The following ADCY2 variants were observed in gnomAD, a reference collection of about 807,000 sequenced individuals.
ADCY2 encodes adenylate cyclase 2.
In ADCY2, 31 loss-of-function variants were observed where a neutral mutation model predicts 125.2. The ratio of observed to expected loss-of-function variants is 0.25; its 90% CI spans 0.19 to 0.33. The LOEUF is 0.33. Ranked by LOEUF, ADCY2 falls within the 10% of genes least tolerant of loss-of-function variation. The pLI is 1.00. For missense variants in ADCY2, 904 were observed against 1,418.2 expected (o/e 0.64, Z 5.82); for synonymous variants, 512 against 548.4 (o/e 0.93, Z 0.93).
intron 3 of ADCY2, among the ~76,000 whole-genome samples, chr5:7,535,229 G>C (rs571809754): frequency 6.6e-6 from 1 of 152,272 alleles, no homozygotes; most frequent in Non-Finnish European, 1.5e-5. Context: ...TATTAATAGA[G>C]ACGGGGTTTC....
chr5:7,765,777 G>A (rs1336188412), intron 16 of ADCY2, among the ~76,000 whole-genome samples: 1 of 152,172 alleles, frequency 6.6e-6, no homozygotes, highest in East Asian at 1.9e-4. Context: ...ATAGGTTTAT[G>A]GATGAGATTA....
In ADCY2 at chr5:7,396,593, T is replaced by TGCCCCTCGGCCCGCGGCA. The variant is rs761591586; in HGVS notation, c.210+123_210+140dup. 3,610 of 1,010,570 alleles carry TGCCCCTCGGCCCGCGGCA rather than the reference T, an allele frequency of 3.6e-3. 124 individuals are homozygous for TGCCCCTCGGCCCGCGGCA. The African/African-American group carries it at 0.048, about 13-fold the overall frequency. The allele number at this position is 1,010,570 out of a possible 1,614,324, so 62.6% of individuals were successfully genotyped here. A position where few individuals can be genotyped will look rare whatever the true frequency, so the allele number is the denominator to read the frequency against. On this transcript the variant is annotated intron_variant, in intron 1 of 24. Transcript: ENST00000338316. The surrounding 1 kb of genome is among the most constrained non-coding windows in gnomAD (Gnocchi z 5.7). ...AGCCGAGCCGCGTCCCGCTCCGGGC[T>TGCCCCTCGGCCCGCGGCA]GCCCCTCGGCCCGCGGCAGCCCCTC...
At chr5:7,544,199 A>G (rs565758366) in intron 3 of ADCY2, among the ~76,000 whole-genome samples, 30 of 152,216 alleles carry the variant, frequency 2.0e-4, no homozygotes, top group African/African-American at 7.0e-4. Context: ...CTGCAGAGCT[A>G]TTGAGGACCA....
intron 4 of ADCY2, among the ~76,000 whole-genome samples, chr5:7,634,696 T>G (rs1466264982): frequency 6.7e-6 from 1 of 149,410 alleles, no homozygotes; most frequent in Admixed American, 6.7e-5. Flanking sequence ...ATTTATCAAA[T>G]TTACAGGTTT....
At chr5:7,544,884 C>T (rs937745017) in intron 3 of ADCY2, among the ~76,000 whole-genome samples, 32 of 152,144 alleles carry the variant, frequency 2.1e-4, no homozygotes, top group African/African-American at 5.8e-4. Flanking sequence ...TGTCCCCACC[C>T]GACTGACTCC....
chr5:7,626,282 C>T lies in ADCY2; in HGVS notation c.686C>T (p.Ser229Leu), dbSNP rs1167334638. Residue 229 changes from serine to leucine, a missense_variant, in exon 4 of 25, where the codon TCG (serine) becomes TTG (leucine). Physicochemically the swap from Ser to Leu is moderately radical, Grantham distance 145. Transcript: ENST00000338316. ...TYQDTCNCIK[S>L]RIKLEFEKRQ... ...CAGGACACCTGTAATTGCATCAAGT[C>T]GCGGATCAAGTTGGAATTTGAAAAA... 3.1e-6 allele frequency: 5 copies of T among 1,613,874 alleles called. No individual in the cohort carries two copies. The highest frequency in any genetic ancestry group is 4.2e-6 in the Non-Finnish European group (5 of 1,179,958).
rs1033380021 is a variant in ADCY2, at chr5:7,802,011, G to A, written c.2629-207G>A. The stretch of plus-strand genomic sequence containing the variant: ...CTGGCAAGGCACCTCTTCTTAACTG[G>A]TAGTGGCCTGAATCCAGCTCATTAG... On this transcript the variant is annotated intron_variant, in intron 20 of 24. Coordinates refer to ENST00000338316, the MANE Select transcript of ADCY2 (RefSeq NM_020546.3). The surrounding 1 kb of genome is among the most constrained non-coding windows in gnomAD (Gnocchi z 4.6). 1 of 534,974 alleles carries A rather than the reference G, an allele frequency of 1.9e-6. No individual in the cohort carries two copies. Among genetic ancestry groups the A allele is most frequent in the Non-Finnish European group, 3.3e-6 (1 of 305,906 alleles). 33.1% of individuals were successfully genotyped at this position (534,974 alleles called of 1,614,324 possible).
intron 22 of ADCY2, among the ~76,000 whole-genome samples, chr5:7,812,513 A>G (rs186033498): frequency 3.3e-4 from 51 of 152,328 alleles, no homozygotes; most frequent in Admixed American, 1.9e-3. Flanking sequence ...AGTGACATGC[A>G]TCTCTACACT....
chr5:7,637,158 G>A (rs1224174955), intron 4 of ADCY2, among the ~76,000 whole-genome samples: 8 of 152,068 alleles, frequency 5.3e-5, no homozygotes, highest in African/African-American at 1.9e-4. Flanking sequence ...TACAAGGGTT[G>A]GTTGATTTTT....
rs57381383 is a variant in ADCY2, at chr5:7,512,218, C to CAAA, written c.409-8500_409-8498dup. On this transcript the variant is annotated intron_variant, in intron 2 of 24. Transcript: ENST00000338316. ...CCTGGGCAGTAGAGCATGACTCCAT[C>CAAA]AAAAAAAAAAAAAAAAAAAAAAGAA... 2.9e-3 allele frequency among the ~76,000 whole-genome samples: 166 copies of CAAA among 57,634 alleles called. 4 individuals are homozygous for CAAA. Among genetic ancestry groups the CAAA allele is most frequent in the East Asian group, 0.011 (15 of 1,316 alleles). The allele number at this position is 57,634 out of a possible 152,430, so 37.8% of individuals were successfully genotyped here.
rs148597747 is a variant in ADCY2 at position 7,725,480 on chromosome 5, G to A, written c.1773+866G>A. ...ACCAAAAGGTTTTTTTTTTATGTTG[G>A]TGGTCAAGAGGATCTGTTGTCTACT... On this transcript the variant is annotated intron_variant, in intron 13 of 24. Coordinates refer to ENST00000338316, the MANE Select transcript of ADCY2 (RefSeq NM_020546.3). Among the ~76,000 whole-genome samples the A allele has an allele frequency of 1.7e-3, 256 of 151,896 alleles. 2 individuals carry two copies. Among genetic ancestry groups the A allele is most frequent in the African/African-American group, 5.7e-3 (234 of 41,400 alleles).
intron 14 of ADCY2, among the ~76,000 whole-genome samples, chr5:7,730,548 A>C (rs568811184): frequency 6.6e-6 from 1 of 152,262 alleles, no homozygotes; most frequent in Non-Finnish European, 1.5e-5. Context: ...ATGATTTGTT[A>C]GGGTTTTTGG....
chr5:7,708,933 C>T (rs1230200430), intron 9 of ADCY2, among the ~76,000 whole-genome samples: 1 of 152,168 alleles, frequency 6.6e-6, no homozygotes, highest in Non-Finnish European at 1.5e-5. Context: ...CAGATCAGCA[C>T]ATTCTGTTTT....
intron 4 of ADCY2, among the ~76,000 whole-genome samples, chr5:7,628,798 T>A (rs1182884251): frequency 1.3e-5 from 2 of 148,370 alleles, no homozygotes; most frequent in African/African-American, 5.0e-5. Context: ...TGTAATTAAA[T>A]GGGAAGAAGA....
chr5:7,674,038 C>T (rs139558687), intron 4 of ADCY2, among the ~76,000 whole-genome samples: 281 of 150,204 alleles, frequency 1.9e-3, no homozygotes, highest in South Asian at 9.4e-3. Flanking sequence ...TGGGTTTAGC[C>T]GCCCGCTGGC....
At chr5:7,666,089 T>C (rs188572070) in intron 4 of ADCY2, among the ~76,000 whole-genome samples, 1,682 of 150,354 alleles carry the variant, frequency 0.011, 20 homozygotes, top group African/African-American at 0.026. Context: ...CCGCCCGCCT[T>C]GGCCTCCCAA....
At chr5:7,468,619 C>CTAAT (rs958278647) in intron 2 of ADCY2, among the ~76,000 whole-genome samples, 1 of 152,010 alleles carries the variant, frequency 6.6e-6, no homozygotes, top group African/African-American at 2.4e-5. Flanking sequence ...AAGGAAGAGG[C>CTAAT]TAATGGTGGG....
intron 14 of ADCY2, among the ~76,000 whole-genome samples, chr5:7,741,685 G>GCA (rs1742423166): frequency 2.6e-4 from 2 of 7,796 alleles, no homozygotes; most frequent in Admixed American, 1.4e-3. Context: ...CACCATCACC[G>GCA]TCACCATCAT....
chr5:7,511,806 T>C (rs1169025560), intron 2 of ADCY2, among the ~76,000 whole-genome samples: 1 of 150,886 alleles, frequency 6.6e-6, no homozygotes, highest in Admixed American at 6.6e-5. Flanking sequence ...GTAGAGGGAG[T>C]ATGAACATGG....
Sources: gnomAD v4.1 joint callset for allele counts (sites outside exome capture counted in the v4.1 genomes callset) on GRCh38, gnomAD v4.1.1 for gene constraint, Gnocchi (gnomAD v3.1) non-coding constraint, MANE v1.5 for transcripts, NCBI Gene and HGNC (gene_info 2026-07-23, HGNC 2026-07-21) for gene names.